Variants in NCMAP observed in about 807,000 individuals in gnomAD.
NCMAP encodes the protein non-compact myelin associated protein.
Under a neutral mutation model 7.8 loss-of-function variants are expected in NCMAP, and 8 were observed. The ratio of observed to expected loss-of-function variants is 1.02; its 90% CI spans 0.60 to 1.84. NCMAP has a LOEUF of 1.84. Ranked by LOEUF, NCMAP falls within the 40% of genes most tolerant of loss-of-function variation. The probability of loss-of-function intolerance (pLI) is 0.00; values close to 1 mark genes in which losing one functional copy is unlikely to be tolerated. For missense variants in NCMAP, 112 were observed against 131.4 expected, an observed-to-expected ratio of 0.85 and a Z score of 0.72; for synonymous variants, 41 against 52.9, an observed-to-expected ratio of 0.78 and a Z score of 0.98.
At chr1:24,605,549 A>T in intron 3 of NCMAP, 57 bp from the exon 4 acceptor site, 1 of 1,584,566 alleles carries the variant, frequency 6.3e-7, no homozygotes, top group Non-Finnish European at 8.6e-7. Context: ...CGCAGAGCCC[A>T]TTCCCCGCGG....
At chr1:24,560,058 G>A (rs1389741781) in intron 1 of NCMAP, among the ~76,000 whole-genome samples, 1 of 151,648 alleles carries the variant, frequency 6.6e-6, no homozygotes, top group Non-Finnish European at 1.5e-5. Context: ...CTACTCTGGA[G>A]GCTGAGGCAG....
intron 3 of NCMAP, among the ~76,000 whole-genome samples, chr1:24,604,703 C>T (rs1311866901): frequency 5.4e-5 from 7 of 129,666 alleles, no homozygotes; most frequent in Non-Finnish European, 1.6e-5. Flanking sequence ...AATTGTTGGC[C>T]AGGCATAGTG....
chr1:24,560,466 C>G (rs949863884), intron 1 of NCMAP, among the ~76,000 whole-genome samples: 2 of 152,190 alleles, frequency 1.3e-5, no homozygotes, highest in African/African-American at 4.8e-5. Flanking sequence ...CTTAGTCTGT[C>G]GTGTAATAAA....
At chr1:24,560,160 C>CAAAAA (rs67052970) in intron 1 of NCMAP, among the ~76,000 whole-genome samples, 6 of 89,564 alleles carry the variant, frequency 6.7e-5, no homozygotes, top group African/African-American at 1.7e-4. Context: ...GACTCCATCT[C>CAAAAA]AAAAAAAAAA....
At chr1:24,583,783 T>TCAGAGTG (rs1651804724) in intron 1 of NCMAP, among the ~76,000 whole-genome samples, 1 of 148,228 alleles carries the variant, frequency 6.7e-6, no homozygotes, top group African/African-American at 2.5e-5. Context: ...TCACTGACCA[T>TCAGAGTG]CAGAGTGTCC....
At chr1:24,580,624 T>C (rs1338542502) in intron 1 of NCMAP, among the ~76,000 whole-genome samples, 1 of 152,174 alleles carries the variant, frequency 6.6e-6, no homozygotes, top group Non-Finnish European at 1.5e-5. Context: ...CTAATTTTTG[T>C]ATTTTTAGTA....
chr1:24,595,955 TA>T (rs34862964), intron 2 of NCMAP, among the ~76,000 whole-genome samples: 72,033 of 151,804 alleles, frequency 0.47, 17,775 homozygotes, highest in African/African-American at 0.61. Context: ...CAGCCTCTGG[TA>T]ACATACTAAG....
intron 2 of NCMAP, among the ~76,000 whole-genome samples, chr1:24,595,794 C>CT (rs34640170): frequency 0.17 from 19,886 of 118,760 alleles, 2,310 homozygotes; most frequent in Admixed American, 0.24. Flanking sequence ...TGGACTGTGT[C>CT]TTTTTTTTTT....
chr1:24,591,712 G>T (rs75632949), intron 1 of NCMAP, among the ~76,000 whole-genome samples: 4,624 of 152,250 alleles, frequency 0.03, 273 homozygotes, highest in African/African-American at 0.11. Flanking sequence ...GAGCCACACG[G>T]GGTTCCTGGT....
intron 1 of NCMAP, among the ~76,000 whole-genome samples, chr1:24,558,084 C>T (rs1196526610): frequency 6.6e-6 from 1 of 152,208 alleles, no homozygotes; most frequent in Non-Finnish European, 1.5e-5. Flanking sequence ...GGGTTTCCAT[C>T]TCCCTGGGTT....
Position 24,577,475 on chromosome 1 carries a change from A to G in NCMAP, c.-7-17949A>G, listed in dbSNP as rs1557596655. On this transcript the variant is annotated intron_variant, in intron 1 of 3. Coordinates refer to ENST00000374392, the MANE Select transcript of NCMAP (RefSeq NM_001010980.5). ...TCGTTTGTAGAGATGGGTTCTCACT[A>G]CGTTGCCCAGGCTGGCCTCCAGCTC... Among the ~76,000 whole-genome samples, 3 of 124,918 alleles carry G rather than the reference A, an allele frequency of 2.4e-5. No homozygotes were observed. In the South Asian group the frequency reaches 7.2e-4, roughly 30 times the overall value. 82.0% of individuals were successfully genotyped at this position (124,918 alleles called of 152,430 possible). A position where few individuals can be genotyped will look rare whatever the true frequency, so the allele number is the denominator to read the frequency against.
At chr1:24,604,609 T>C (rs1158873547) in intron 3 of NCMAP, among the ~76,000 whole-genome samples, 1 of 7,774 alleles carries the variant, frequency 1.3e-4, no homozygotes, top group Non-Finnish European at 1.9e-4. Context: ...AAAAAAAATA[T>C]ATATATATAT....
intron 1 of NCMAP, among the ~76,000 whole-genome samples, chr1:24,575,736 AG>A (rs1651536130): frequency 6.6e-6 from 1 of 151,998 alleles, no homozygotes; most frequent in Non-Finnish European, 1.5e-5. Flanking sequence ...ACCTGAGGTC[AG>A]GAGTTTGAGA....
chr1:24,577,401 G>GTT (rs71577720), intron 1 of NCMAP, among the ~76,000 whole-genome samples: 3,564 of 39,760 alleles, frequency 0.09, 351 homozygotes, highest in Non-Finnish European at 0.11. Context: ...CACTGGCCTT[G>GTT]TTTTTTTTTT....
intron 1 of NCMAP, among the ~76,000 whole-genome samples, chr1:24,586,759 C>CAAAAAAAAAAA: frequency 9.3e-6 from 1 of 107,426 alleles, no homozygotes; most frequent in Non-Finnish European, 1.9e-5. Flanking sequence ...GACTCCATCT[C>CAAAAAAAAAAA]AAAAAAAAAA....
intron 1 of NCMAP, among the ~76,000 whole-genome samples, chr1:24,569,682 G>A (rs1029494811): frequency 6.6e-6 from 1 of 150,578 alleles, no homozygotes; most frequent in Admixed American, 6.6e-5. Context: ...CTGTAAAATG[G>A]AAATAATGAT....
At chr1:24,591,639 A>G (rs186949367) in intron 1 of NCMAP, among the ~76,000 whole-genome samples, 31 of 152,180 alleles carry the variant, frequency 2.0e-4, no homozygotes, top group African/African-American at 5.8e-4. Flanking sequence ...GGCCTGTTTC[A>G]GGTGTTGGGA....
Position 24,597,659 on chromosome 1 carries a change from G to GAA in NCMAP, c.82+2149_82+2150dup, listed in dbSNP as rs879865380. On this transcript the variant is annotated intron_variant, in intron 2 of 3. Coordinates refer to ENST00000374392, the MANE Select transcript of NCMAP (RefSeq NM_001010980.5). ...AGAAAGAAAGAAAGAAAGAAAGAAA[G>GAA]AAAGAAAGAAAGAAAAGAAAAAGAA... 2.4e-4 allele frequency among the ~76,000 whole-genome samples: 28 copies of GAA among 118,878 alleles called. No individual in the cohort carries two copies. In the South Asian group the frequency reaches 3.3e-3, roughly 14 times the overall value. The allele number at this position is 118,878 out of a possible 152,430, so 78.0% of individuals were successfully genotyped here.
At chr1:24,603,010 A>G (rs968201085) in intron 3 of NCMAP, among the ~76,000 whole-genome samples, 4 of 152,128 alleles carry the variant, frequency 2.6e-5, no homozygotes, top group South Asian at 2.1e-4. Flanking sequence ...ACTGCACTCC[A>G]GCCTGGATGA....
Sources: allele counts gnomAD v4.1 joint callset (sites outside exome capture counted in the v4.1 genomes callset), GRCh38; gene constraint gnomAD v4.1.1; transcripts MANE v1.5; gene names NCBI Gene and HGNC (gene_info 2026-07-23, HGNC 2026-07-21).